The following TTC28 variants were observed in gnomAD, a reference collection of about 807,000 sequenced individuals.
TTC28 encodes the protein tetratricopeptide repeat domain 28, also known as tetratricopeptide repeat protein 28.
In TTC28, 61 loss-of-function variants were observed where a neutral mutation model predicts 198.0. That is an observed-to-expected ratio of 0.31 (90% CI 0.25 to 0.38). The LOEUF (loss-of-function observed/expected upper bound fraction) is 0.38, where lower values mean the gene tolerates loss of function less well. TTC28 is among the 10% of genes least tolerant of loss of function. The pLI is 1.00. For synonymous variants in TTC28, 1,171 were observed against 1,297.8 expected, an observed-to-expected ratio of 0.90 and a Z score of 2.10; for missense variants, 2,678 against 3,164.0, an observed-to-expected ratio of 0.85 and a Z score of 3.69.
chr22:28,116,445 G>C (rs1942633129), intron 6 of TTC28, among the ~76,000 whole-genome samples: 1 of 152,194 alleles, frequency 6.6e-6, no homozygotes, highest in Admixed American at 6.5e-5. Flanking sequence ...GCTAGGCACA[G>C]TCATCTCTAA....
At chr22:27,996,400 C>A in intron 16 of TTC28, 141 bp from the exon 17 acceptor site, 1 of 1,242,326 alleles carries the variant, frequency 8.0e-7, no homozygotes, top group Non-Finnish European at 1.1e-6. Flanking sequence ...ACAGGCTGGC[C>A]TGGGGCATCT....
intron 6 of TTC28, among the ~76,000 whole-genome samples, chr22:28,144,102 C>G (rs1318874490): frequency 1.3e-5 from 2 of 152,176 alleles, no homozygotes; most frequent in Non-Finnish European, 2.9e-5. Flanking sequence ...GTGCCAGGCA[C>G]CATGCAAAAT....
chr22:28,029,331 G>A (rs1938976963), intron 13 of TTC28, among the ~76,000 whole-genome samples: 1 of 152,196 alleles, frequency 6.6e-6, no homozygotes, highest in Admixed American at 6.5e-5. Flanking sequence ...ACCAGGGCCT[G>A]GAGTAGGAAC....
intron 15 of TTC28, chr22:27,999,464 T>C (rs1252235375): frequency 3.9e-6 from 3 of 766,912 alleles, no homozygotes; most frequent in African/African-American, 3.5e-5. Flanking sequence ...CCTGCTGTGA[T>C]GAGCCCTTGG....
chr22:28,145,992 C>T (rs13057007), intron 6 of TTC28, among the ~76,000 whole-genome samples: 8,374 of 152,174 alleles, frequency 0.055, 283 homozygotes, highest in African/African-American at 0.071. Context: ...AGCCAGAAAG[C>T]GGCATAGTTA....
chr22:28,226,581 C>T (rs2147217070), intron 5 of TTC28, among the ~76,000 whole-genome samples: 1 of 152,180 alleles, frequency 6.6e-6, no homozygotes, highest in East Asian at 1.9e-4. Flanking sequence ...TGGGCGCTAC[C>T]ACACTTGGCT....
chr22:28,314,958 G>C (rs896175558), intron 2 of TTC28, among the ~76,000 whole-genome samples: 10 of 152,062 alleles, frequency 6.6e-5, no homozygotes, highest in Admixed American at 5.2e-4. Context: ...AGGTCGCTGG[G>C]GATTGTTTGT....
chr22:28,308,530 T>G (rs1453617227), intron 2 of TTC28, among the ~76,000 whole-genome samples: 3 of 152,138 alleles, frequency 2.0e-5, no homozygotes, highest in African/African-American at 7.2e-5. Flanking sequence ...AAAACATTAC[T>G]TACTTGAGAG....
rs948777628 is a variant in TTC28, at chr22:27,983,962, G to A, written c.5816-111C>T. 3 of 1,134,262 alleles carry A rather than the reference G, an allele frequency of 2.6e-6. No homozygotes were observed. The Admixed American group carries it at 8.7e-5, about 33-fold the overall frequency. The allele number at this position is 1,134,262 out of a possible 1,614,324, so 70.3% of individuals were successfully genotyped here. ...TGCATAGAAGCTAGCAAAGAATTATGCAAGAGCTACTCATATTAATCTTAC... is the reference window on the plus strand; with the variant it reads ...TGCATAGAAGCTAGCAAAGAATTATACAAGAGCTACTCATATTAATCTTAC... On this transcript the variant is annotated intron_variant, in intron 22 of 22. Transcript: ENST00000397906.
At position 28,145,057 on chromosome 22, in the gene TTC28, G is replaced by C. The variant is rs1181365715; in HGVS notation, c.1441+18035C>G. Reference sequence around the variant, plus strand: ...GAAGCCACACTTTCCATCAGTTCCTGTGGCATCACAGAAAAATAATCTCCT... The same window carrying C: ...GAAGCCACACTTTCCATCAGTTCCTCTGGCATCACAGAAAAATAATCTCCT... On this transcript the variant is annotated intron_variant, in intron 6 of 22. Transcript: ENST00000397906. 2.0e-5 allele frequency among the ~76,000 whole-genome samples: 3 copies of C among 152,186 alleles called. No individual in the cohort carries two copies. In the South Asian group the frequency reaches 6.2e-4, roughly 31 times the overall value.
chr22:28,222,471 A>G (rs1927959618), intron 5 of TTC28, among the ~76,000 whole-genome samples: 2 of 152,192 alleles, frequency 1.3e-5, no homozygotes, highest in South Asian at 2.1e-4. Flanking sequence ...CAGTAAAAGT[A>G]TTTCCTCTTT....
intron 13 of TTC28, among the ~76,000 whole-genome samples, chr22:28,018,244 A>AGT (rs138612299): frequency 0.19 from 21,271 of 114,714 alleles, 2,013 homozygotes; most frequent in Middle Eastern, 0.28. Context: ...GCTGCTATTC[A>AGT]GTGTGTGTGT....
chr22:28,041,313 A>C (rs937779800), intron 12 of TTC28, among the ~76,000 whole-genome samples: 1 of 152,130 alleles, frequency 6.6e-6, no homozygotes, highest in African/African-American at 2.4e-5. Context: ...GGAGGCATCA[A>C]GCTACCTGAC....
Position 28,014,345 on chromosome 22 carries a change from G to A in TTC28, c.4121C>T (p.Thr1374Ile), listed in dbSNP as rs1938278048. Residue 1374 changes from threonine (T) to isoleucine (I), a missense_variant, in exon 14 of 23, where the codon ACC (threonine) becomes ATC (isoleucine). Physicochemically the swap from Thr to Ile is moderately conservative, Grantham distance 89. Transcript: ENST00000397906. ...TSLFSNTVSP[T>I]QDGTSSLPRR... ...GGGAAGAGAGGAGGTCCCGTCCTGG[G>A]TCGGTGACACAGTGTTACTGAACAG... 2 of 1,551,494 alleles carry A rather than the reference G, an allele frequency of 1.3e-6. No individual in the cohort carries two copies. Among genetic ancestry groups the A allele is most frequent in the Non-Finnish European group, 8.7e-7 (1 of 1,146,970 alleles).
chr22:28,105,115 GGACACCGT>G (rs887006792), intron 8 of TTC28, among the ~76,000 whole-genome samples, 156 bp downstream of exon 8: 2 of 152,068 alleles, frequency 1.3e-5, no homozygotes, highest in African/African-American at 4.8e-5. Context: ...CACCTGGTGG[GGACACCGT>G]GATTCTGGAG....
chr22:28,440,011 T>C (rs2047592840), intron 2 of TTC28, among the ~76,000 whole-genome samples: 1 of 152,180 alleles, frequency 6.6e-6, no homozygotes. Flanking sequence ...ATTTTTTGTA[T>C]GTTTAGTAGA....
At chr22:28,545,430 A>G (rs921133284) in intron 2 of TTC28, among the ~76,000 whole-genome samples, 1 of 151,926 alleles carries the variant, frequency 6.6e-6, no homozygotes, top group Non-Finnish European at 1.5e-5. Flanking sequence ...AAAATAAAAA[A>G]TAGCCAGGCA....
At position 28,001,667 on chromosome 22, in the gene TTC28, T is replaced by C. The variant is rs559156855; in HGVS notation, c.4219-114A>G. The C allele has an allele frequency of 4.9e-6, 6 of 1,224,592 alleles. No homozygotes were observed. The African/African-American group carries it at 7.6e-5, about 15-fold the overall frequency. 75.9% of individuals were successfully genotyped at this position (1,224,592 alleles called of 1,614,324 possible). On this transcript the variant is annotated intron_variant, in intron 14 of 22. Transcript: ENST00000397906. ...GACACAAGCACGAGCAGGTGAGGCC[T>C]GTGGGGGTGTGGGGCGCCATGGGGC...
intron 6 of TTC28, among the ~76,000 whole-genome samples, chr22:28,111,057 T>A (rs1942467240): frequency 6.6e-6 from 1 of 152,126 alleles, no homozygotes; most frequent in Non-Finnish European, 1.5e-5. Flanking sequence ...TGTATAGACA[T>A]ACATGTTTAT....
Sources: gnomAD v4.1 joint callset for allele counts (sites outside exome capture counted in the v4.1 genomes callset) on GRCh38, gnomAD v4.1.1 for gene constraint, MANE v1.5 for transcripts, NCBI Gene and HGNC (gene_info 2026-07-23, HGNC 2026-07-21) for gene names.